GRID1: variants seen among roughly 807,000 people sequenced by gnomAD.
The protein encoded by GRID1 is glutamate receptor ionotropic, delta-1.
A neutral mutation model predicts 98.0 loss-of-function variants in GRID1; 28 were observed. The ratio of observed to expected loss-of-function variants is 0.29; its 90% confidence interval spans 0.21 to 0.39. The LOEUF (loss-of-function observed/expected upper bound fraction) is 0.39. Ranked by LOEUF, GRID1 falls within the 10% of genes least tolerant of loss-of-function variation. GRID1 has a pLI of 1.00. For missense variants in GRID1, 1,111 were observed against 1,340.5 expected (o/e 0.83, Z 2.67); for synonymous variants, 553 against 538.5 (o/e 1.03, Z -0.37).
intron 2 of GRID1, among the ~76,000 whole-genome samples, chr10:86,335,980 G>A (rs867110126): frequency 6.6e-6 from 1 of 152,372 alleles, no homozygotes. Context: ...TAGTCCAGCT[G>A]AGTATGGTTT....
intron 3 of GRID1, among the ~76,000 whole-genome samples, chr10:86,147,440 A>G (rs1845104688): frequency 6.6e-6 from 1 of 152,242 alleles, no homozygotes; most frequent in South Asian, 2.1e-4. Context: ...ACTTCAAACT[A>G]TACTATAACG....
intron 2 of GRID1, among the ~76,000 whole-genome samples, chr10:86,222,807 G>C (rs1037364457): frequency 2.0e-5 from 3 of 152,154 alleles, no homozygotes; most frequent in South Asian, 2.1e-4. Flanking sequence ...CCAGCTGAAG[G>C]GGGGCAGGGC....
intron 8 of GRID1, among the ~76,000 whole-genome samples, chr10:85,846,573 A>G (rs1020027896): frequency 6.6e-5 from 10 of 152,220 alleles, no homozygotes; most frequent in Non-Finnish European, 1.2e-4. Flanking sequence ...CAGCAGGCAG[A>G]CAGAAAAAAA....
intron 2 of GRID1, among the ~76,000 whole-genome samples, chr10:86,323,607 G>A (rs1279809192): frequency 6.6e-6 from 1 of 152,216 alleles, no homozygotes; most frequent in Non-Finnish European, 1.5e-5. Flanking sequence ...TGAATCCAGA[G>A]AGCAGAGAAG....
chr10:86,012,694 G>C (rs1437218073), intron 4 of GRID1, among the ~76,000 whole-genome samples: 1 of 151,880 alleles, frequency 6.6e-6, no homozygotes, highest in Non-Finnish European at 1.5e-5. Context: ...ATAGGACTGG[G>C]GCTCTTTTAA....
intron 4 of GRID1, among the ~76,000 whole-genome samples, chr10:86,034,121 C>T (rs897319250): frequency 2.6e-5 from 4 of 152,132 alleles, no homozygotes; most frequent in Admixed American, 1.3e-4. Flanking sequence ...TGTTAATATT[C>T]GATTTTTTTA....
At chr10:86,315,269 C>T (rs966141237) in intron 2 of GRID1, among the ~76,000 whole-genome samples, 4 of 152,194 alleles carry the variant, frequency 2.6e-5, no homozygotes, top group African/African-American at 7.2e-5. Context: ...TCCTCCAGCC[C>T]CCGCCCCCAA....
chr10:85,607,444 T>G (rs1419562573), intron 15 of GRID1, among the ~76,000 whole-genome samples: 3 of 152,126 alleles, frequency 2.0e-5, no homozygotes, highest in Non-Finnish European at 4.4e-5. Flanking sequence ...AACACAATCT[T>G]CAGTGTTGTT....
chr10:86,062,370 C>G (rs998632663), intron 4 of GRID1, among the ~76,000 whole-genome samples: 1 of 152,100 alleles, frequency 6.6e-6, no homozygotes, highest in Non-Finnish European at 1.5e-5. Context: ...AACTCACCCC[C>G]CAGAGCACCC....
At chr10:86,132,246 C>T (rs556468465) in intron 4 of GRID1, among the ~76,000 whole-genome samples, 2 of 152,258 alleles carry the variant, frequency 1.3e-5, no homozygotes, top group African/African-American at 4.8e-5. Context: ...AGGAAAGGGA[C>T]AGAGCCATGT....
chr10:85,724,768 T>G (rs1208608260), intron 10 of GRID1, 92 bp from the exon 11 acceptor site: 2 of 996,686 alleles, frequency 2.0e-6, no homozygotes. Flanking sequence ...TCCTTTGAGT[T>G]GCTCTGTTCA....
intron 4 of GRID1, among the ~76,000 whole-genome samples, chr10:86,020,688 T>C (rs1843036988): frequency 6.6e-6 from 1 of 152,066 alleles, no homozygotes; most frequent in African/African-American, 2.4e-5. Flanking sequence ...TCCTAAAGCA[T>C]CATCTGAGGT....
rs1247483740 is a variant in GRID1, at chr10:85,709,072, G to A, written c.1997+13931C>T. On this transcript the variant is annotated intron_variant, in intron 12 of 15. Transcript: ENST00000327946. ...GTGCTATGATTCACCAAAACAACTT[G>A]TTATTGAAAACCCCTGTTAAGGGAA... is the stretch of plus-strand genomic sequence containing the variant. 3 of 327,534 alleles carry A rather than the reference G, an allele frequency of 9.2e-6. No individual in the cohort carries two copies. In the Admixed American group the frequency reaches 1.1e-4, roughly 12 times the overall value. The allele number at this position is 327,534 out of a possible 1,614,324, so 20.3% of individuals were successfully genotyped here. A position where few individuals can be genotyped will look rare whatever the true frequency, so the allele number is the denominator to read the frequency against.
chr10:86,008,133 C>T (rs1392895541), intron 4 of GRID1, among the ~76,000 whole-genome samples: 2 of 152,098 alleles, frequency 1.3e-5, no homozygotes, highest in African/African-American at 4.8e-5. Context: ...CCTGATCCTG[C>T]TATGTAACAG....
intron 12 of GRID1, among the ~76,000 whole-genome samples, chr10:85,680,649 T>C (rs1841198207): frequency 6.6e-6 from 1 of 152,188 alleles, no homozygotes; most frequent in Admixed American, 6.5e-5. Flanking sequence ...AAGAAGTCAT[T>C]ATATCAAAAA....
chr10:85,659,204 C>T (rs769008660), intron 12 of GRID1, among the ~76,000 whole-genome samples: 39 of 152,224 alleles, frequency 2.6e-4, no homozygotes, highest in Non-Finnish European at 5.0e-4. Flanking sequence ...AATGTGCACA[C>T]CTGTTCCGGC....
chr10:86,040,835 G>A (rs1342270978), intron 4 of GRID1, among the ~76,000 whole-genome samples: 1 of 152,158 alleles, frequency 6.6e-6, no homozygotes, highest in African/African-American at 2.4e-5. Context: ...GTATGCAAGT[G>A]TTAAAACATC....
At chr10:85,636,750 T>C (rs896322741) in intron 13 of GRID1, among the ~76,000 whole-genome samples, 1 of 152,182 alleles carries the variant, frequency 6.6e-6, no homozygotes, top group East Asian at 1.9e-4. Flanking sequence ...AAAAATCCAC[T>C]GACAAATAAA....
chr10:86,284,700 G>C (rs1320573786), intron 2 of GRID1, among the ~76,000 whole-genome samples: 1 of 152,248 alleles, frequency 6.6e-6, no homozygotes, highest in Admixed American at 6.5e-5. Context: ...AGGCAGAAAA[G>C]CTAAGAGAGC....
Sources: allele counts gnomAD v4.1 joint callset (sites outside exome capture counted in the v4.1 genomes callset), GRCh38; gene constraint gnomAD v4.1.1; transcripts MANE v1.5; gene names NCBI Gene and HGNC (gene_info 2026-07-23, HGNC 2026-07-21).